PKIG: variants seen among roughly 807,000 people sequenced by gnomAD.
PKIG encodes cAMP-dependent protein kinase inhibitor gamma, also known as protein kinase (cAMP-dependent, catalytic) inhibitor gamma.
In PKIG, 1 loss-of-function variant was observed where a neutral mutation model predicts 6.8. That is an observed-to-expected ratio of 0.15 (90% CI 0.05 to 0.69). The LOEUF is 0.69. Ranked by LOEUF, PKIG falls within the 30% of genes least tolerant of loss-of-function variation. PKIG has a pLI of 0.82. For missense variants in PKIG, 77 were observed against 104.0 expected (o/e 0.74, Z 1.13); for synonymous variants, 39 against 43.0 (o/e 0.91, Z 0.36).
chr20:44,556,085 C>T (rs1348171747), intron 1 of PKIG, among the ~76,000 whole-genome samples: 5 of 152,164 alleles, frequency 3.3e-5, no homozygotes, highest in African/African-American at 1.2e-4. Flanking sequence ...ATGATTCACC[C>T]GCCTTGGCCT....
intron 2 of PKIG, among the ~76,000 whole-genome samples, chr20:44,590,447 C>T (rs2065025167): frequency 1.3e-5 from 2 of 152,190 alleles, no homozygotes; most frequent in Non-Finnish European, 2.9e-5. Context: ...AGTATGGCCA[C>T]CTTGGGTCCA....
chr20:44,585,186 C>T (rs1277131317), intron 1 of PKIG: 1 of 152,442 alleles, frequency 6.6e-6, no homozygotes, highest in Non-Finnish European at 1.5e-5. Flanking sequence ...ATGTGGAATG[C>T]CTCACACTCC....
rs199900595 is a variant in PKIG, at chr20:44,614,290, CAAT to C, written c.-23-240_-23-238del. 2.3e-3 allele frequency: 931 copies of C among 401,204 alleles called. 5 individuals are homozygous for C. Among genetic ancestry groups the C allele is most frequent in the African/African-American group, 0.017 (840 of 49,212 alleles). 24.9% of individuals were successfully genotyped at this position (401,204 alleles called of 1,614,324 possible). A position where few individuals can be genotyped will look rare whatever the true frequency, so the allele number is the denominator to read the frequency against. On this transcript the variant is annotated intron_variant, in intron 2 of 3. Coordinates refer to ENST00000372886, the MANE Select transcript of PKIG (RefSeq NM_001281445.2). The surrounding 1 kb of genome is among the most constrained non-coding windows in gnomAD (Gnocchi z 4.6). ...TTAATAAATGTGTGTACATGTTTGT[CAAT>C]AATTTTATTTAAAGAAAAGTCTGAG... is the stretch of plus-strand genomic sequence containing the variant.
intron 1 of PKIG, among the ~76,000 whole-genome samples, chr20:44,544,447 G>A (rs2064592145): frequency 1.3e-5 from 2 of 152,176 alleles, no homozygotes; most frequent in African/African-American, 4.8e-5. Flanking sequence ...TAGATAGTCT[G>A]TTCCTGGCAT....
At chr20:44,566,175 A>G (rs1460640943) in intron 1 of PKIG, among the ~76,000 whole-genome samples, 2 of 152,220 alleles carry the variant, frequency 1.3e-5, no homozygotes, top group Non-Finnish European at 2.9e-5. Flanking sequence ...CCAGCCTGCC[A>G]CTTGTTTTTG....
intron 2 of PKIG, among the ~76,000 whole-genome samples, chr20:44,600,501 G>A (rs2065111878): frequency 6.6e-6 from 1 of 152,054 alleles, no homozygotes; most frequent in African/African-American, 2.4e-5. Context: ...CCTGGGTGGT[G>A]CATGTGGAGG....
At chr20:44,541,252 C>T (rs533983470) in intron 1 of PKIG, among the ~76,000 whole-genome samples, 1 of 152,184 alleles carries the variant, frequency 6.6e-6, no homozygotes, top group Admixed American at 6.5e-5. Context: ...GATTCTCCAT[C>T]AGCTGTGTGC....
chr20:44,578,559 A>T (rs2064920051), upstream of PKIG, among the ~76,000 whole-genome samples: 1 of 150,314 alleles, frequency 6.7e-6, no homozygotes, highest in Non-Finnish European at 1.5e-5. Flanking sequence ...TCCCTCTCAC[A>T]CTTGCTCTCC....
intron 2 of PKIG, among the ~76,000 whole-genome samples, chr20:44,606,221 A>G (rs1162088847): frequency 6.6e-6 from 1 of 152,234 alleles, no homozygotes; most frequent in African/African-American, 2.4e-5. Flanking sequence ...TTGAAGAAAC[A>G]GTAAACAGAA....
At chr20:44,570,498 T>C (rs2064845341) in intron 1 of PKIG, among the ~76,000 whole-genome samples, 2 of 152,192 alleles carry the variant, frequency 1.3e-5, no homozygotes. Flanking sequence ...AGTATTTAGA[T>C]TCTGACTGCC....
At chr20:44,563,554 G>A (rs1394238061) in intron 1 of PKIG, among the ~76,000 whole-genome samples, 1 of 152,090 alleles carries the variant, frequency 6.6e-6, no homozygotes, top group Non-Finnish European at 1.5e-5. Flanking sequence ...TTCTGAGACA[G>A]GATCTTGCTC....
chr20:44,615,919 C>A (rs1030069491), intron 3 of PKIG, among the ~76,000 whole-genome samples: 2 of 152,090 alleles, frequency 1.3e-5, no homozygotes, highest in Non-Finnish European at 2.9e-5. Flanking sequence ...TGAGAGAGAG[C>A]CCCCAGCACC....
intron 1 of PKIG, among the ~76,000 whole-genome samples, chr20:44,565,241 T>C (rs943255504): frequency 2.0e-5 from 3 of 152,246 alleles, no homozygotes; most frequent in African/African-American, 7.2e-5. Context: ...GCTGGGACTA[T>C]AGAGTTGAAT....
chr20:44,537,143 C>T (rs1401982752), intron 1 of PKIG, among the ~76,000 whole-genome samples: 2 of 151,806 alleles, frequency 1.3e-5, no homozygotes, highest in Non-Finnish European at 2.9e-5. Flanking sequence ...TCACTCTTAT[C>T]GCCCAGGCTG....
chr20:44,567,563 G>A (rs995393566), intron 1 of PKIG, among the ~76,000 whole-genome samples: 6 of 151,868 alleles, frequency 4.0e-5, no homozygotes, highest in South Asian at 2.1e-4. Flanking sequence ...ATCAGGTGGC[G>A]TAACTCAAGG....
At chr20:44,533,178 G>A (rs2064482930) in intron 1 of PKIG, among the ~76,000 whole-genome samples, 1 of 152,108 alleles carries the variant, frequency 6.6e-6, no homozygotes, top group Non-Finnish European at 1.5e-5. Context: ...ATATATGTGT[G>A]TGTGTGACAG....
intron 1 of PKIG, among the ~76,000 whole-genome samples, chr20:44,554,877 A>G (rs1465345046): frequency 6.6e-6 from 1 of 152,202 alleles, no homozygotes; most frequent in Non-Finnish European, 1.5e-5. Flanking sequence ...CCCCAACTCG[A>G]TAAGATACAG....
intron 1 of PKIG, among the ~76,000 whole-genome samples, chr20:44,543,144 T>G (rs1406042314): frequency 1.3e-5 from 2 of 152,202 alleles, no homozygotes; most frequent in Non-Finnish European, 2.9e-5. Flanking sequence ...TTTCTAAGCT[T>G]CAGAGCTTCC....
At chr20:44,613,319 C>T (rs894636480) in intron 2 of PKIG, among the ~76,000 whole-genome samples, 2 of 152,118 alleles carry the variant, frequency 1.3e-5, no homozygotes, top group African/African-American at 2.4e-5. Flanking sequence ...GCGCCCGCCA[C>T]CACGCCCGGC....
Sources: gnomAD v4.1 joint callset for allele counts (sites outside exome capture counted in the v4.1 genomes callset) on GRCh38, gnomAD v4.1.1 for gene constraint, Gnocchi (gnomAD v3.1) non-coding constraint, MANE v1.5 for transcripts, NCBI Gene and HGNC (gene_info 2026-07-23, HGNC 2026-07-21) for gene names.